The following CNTLN variants were observed in gnomAD, a reference collection of about 807,000 sequenced individuals.
CNTLN encodes the protein centlein, also known as centlein, centrosomal protein.
A neutral mutation model predicts 180.0 loss-of-function variants in CNTLN; 212 were observed. The ratio of observed to expected loss-of-function variants is 1.18; its 90% CI spans 1.05 to 1.32. The LOEUF is 1.32. CNTLN is among the 40% of genes most tolerant of loss of function. The pLI is 0.00. For missense variants in CNTLN, 2,095 were observed against 1,610.9 expected, an observed-to-expected ratio of 1.30 and a Z score of -5.14; for synonymous variants, 722 against 563.1, an observed-to-expected ratio of 1.28 and a Z score of -3.99.
chr9:17,396,399 A>C (rs1375372814), intron 15 of CNTLN, among the ~76,000 whole-genome samples: 1 of 152,030 alleles, frequency 6.6e-6, no homozygotes, highest in Non-Finnish European at 1.5e-5. Flanking sequence ...CCTCTTTTTT[A>C]CATCTAGACA....
chr9:17,526,006 G>A, the CNTLN span, among the ~76,000 whole-genome samples: 1 of 152,026 alleles, frequency 6.6e-6, no homozygotes, highest in African/African-American at 2.4e-5. Flanking sequence ...CGCAATCTCG[G>A]CTCACTGCAA....
At chr9:17,330,045 C>T (rs1389197963) in intron 8 of CNTLN, among the ~76,000 whole-genome samples, 2 of 151,958 alleles carry the variant, frequency 1.3e-5, no homozygotes, top group African/African-American at 4.8e-5. Flanking sequence ...GATTAGTTTT[C>T]CTGTGACTTC....
chr9:17,346,234 C>G (rs1056610825), intron 12 of CNTLN, among the ~76,000 whole-genome samples: 3 of 151,998 alleles, frequency 2.0e-5, no homozygotes, highest in South Asian at 4.2e-4. Flanking sequence ...ATCTCACTAG[C>G]ATGAGAACAC....
At chr9:17,507,809 C>G (rs1833959380), downstream of CNTLN, among the ~76,000 whole-genome samples, 1 of 152,134 alleles carries the variant, frequency 6.6e-6, no homozygotes, top group Admixed American at 6.5e-5. Flanking sequence ...TGCGCATAGT[C>G]CAATCCTCAG....
intron 7 of CNTLN, 102 bp downstream of exon 7, chr9:17,298,454 TC>T (rs1818109444): frequency 6.6e-6 from 9 of 1,354,442 alleles, no homozygotes; most frequent in Non-Finnish European, 8.6e-6. Flanking sequence ...AATTTTTACT[TC>T]CTTTTACATG....
chr9:17,433,459 A>T (rs927505373), intron 18 of CNTLN, among the ~76,000 whole-genome samples: 2 of 151,040 alleles, frequency 1.3e-5, no homozygotes, highest in Admixed American at 6.6e-5. Flanking sequence ...TAATTTTTGT[A>T]TTTTTTAGTA....
chr9:17,264,760 C>G (rs578101998), intron 5 of CNTLN, among the ~76,000 whole-genome samples: 76 of 151,570 alleles, frequency 5.0e-4, no homozygotes, highest in African/African-American at 1.8e-3. Flanking sequence ...CTTCACATCC[C>G]TTGTAATTTG....
In CNTLN at chr9:17,342,404, G is replaced by C; in HGVS notation, c.1846G>C (p.Ala616Pro). Residue 616 changes from alanine (A) to proline (P), a missense_variant, in exon 12 of 26, where the codon GCA becomes CCA. By Grantham distance (27) the Ala-to-Pro change is conservative. Transcript: ENST00000380647. ...TTCTGACGCTGTGTGGAATGAACTG[G>C]CATATTTCAAAAGGGAAAACCAGGA... ...EDSDAVWNEL[A>P]YFKRENQELM... 6.2e-7 allele frequency: 1 copy of C among 1,610,540 alleles called. No individual in the cohort carries two copies. The highest frequency in any genetic ancestry group is 8.5e-7 in the Non-Finnish European group (1 of 1,178,722).
intron 18 of CNTLN, among the ~76,000 whole-genome samples, chr9:17,445,937 G>A (rs1830386509): frequency 6.6e-6 from 1 of 152,194 alleles, no homozygotes; most frequent in Non-Finnish European, 1.5e-5. Flanking sequence ...GGGAAAAACC[G>A]CCTTAGGGCT....
chr9:17,383,638 C>T (rs1350598350), intron 13 of CNTLN, among the ~76,000 whole-genome samples: 1 of 151,570 alleles, frequency 6.6e-6, no homozygotes, highest in South Asian at 2.1e-4. Context: ...TAATTCGTAA[C>T]ATGAATTTTT....
chr9:17,337,295 C>T (rs1821118619), intron 10 of CNTLN, among the ~76,000 whole-genome samples: 2 of 152,122 alleles, frequency 1.3e-5, no homozygotes, highest in Non-Finnish European at 2.9e-5. Flanking sequence ...TTTTGCTGTG[C>T]AAAAGCTCTT....
intron 16 of CNTLN, among the ~76,000 whole-genome samples, chr9:17,410,738 T>A (rs190346409): frequency 6.6e-6 from 1 of 152,174 alleles, no homozygotes; most frequent in African/African-American, 2.4e-5. Flanking sequence ...TGATGTGAGA[T>A]AGGGATTAAG....
rs1217972924 is a variant in CNTLN, at chr9:17,353,442, G to C, written c.1886+10998G>C. ...TATTATCGCCAAAATTGTGGGTTTT[G>C]ATTTGCATTTTCTTAATGAGTAATG... is the stretch of plus-strand genomic sequence containing the variant. On this transcript the variant is annotated intron_variant, in intron 12 of 25. Transcript: ENST00000380647. 2.0e-5 allele frequency among the ~76,000 whole-genome samples: 3 copies of C among 151,788 alleles called. No individual in the cohort carries two copies. In the East Asian group the frequency reaches 5.8e-4, roughly 29 times the overall value.
At chr9:17,137,820 T>G (rs1217927862) in intron 1 of CNTLN, among the ~76,000 whole-genome samples, 1 of 152,202 alleles carries the variant, frequency 6.6e-6, no homozygotes, top group Non-Finnish European at 1.5e-5. Context: ...TGCCTCAGAA[T>G]AAGCATGTAA....
intron 5 of CNTLN, among the ~76,000 whole-genome samples, chr9:17,255,707 C>T (rs1826437373): frequency 6.6e-6 from 1 of 151,702 alleles, no homozygotes; most frequent in African/African-American, 2.4e-5. Context: ...CTCCGTACTT[C>T]AGTTATTGGT....
chr9:17,366,580 A>G (rs552279930), intron 12 of CNTLN, 37 bp from the exon 13 acceptor site: 9 of 1,010,300 alleles, frequency 8.9e-6, no homozygotes, highest in Admixed American at 2.0e-5. Context: ...AAATAAAACA[A>G]TATGGTTTTA....
intron 2 of CNTLN, among the ~76,000 whole-genome samples, chr9:17,194,850 G>C (rs992054401): frequency 6.6e-6 from 1 of 152,138 alleles, no homozygotes; most frequent in Admixed American, 6.6e-5. Context: ...TACATGGCTG[G>C]GGAGGCCTCA....
At chr9:17,435,882 G>A (rs773787011) in intron 18 of CNTLN, among the ~76,000 whole-genome samples, 2 of 151,838 alleles carry the variant, frequency 1.3e-5, no homozygotes, top group African/African-American at 2.4e-5. Flanking sequence ...CCTTTTTTAC[G>A]GGCACACTTC....
At chr9:17,265,502 C>T (rs1185092610) in intron 5 of CNTLN, among the ~76,000 whole-genome samples, 2 of 151,716 alleles carry the variant, frequency 1.3e-5, no homozygotes, top group South Asian at 4.2e-4. Flanking sequence ...CTAAAATTCT[C>T]TTTTTTTTGT....
Sources: gnomAD v4.1 joint callset for allele counts (sites outside exome capture counted in the v4.1 genomes callset) on GRCh38, gnomAD v4.1.1 for gene constraint, MANE v1.5 for transcripts, NCBI Gene and HGNC (gene_info 2026-07-23, HGNC 2026-07-21) for gene names.